Variants in TBL1Y observed in about 807,000 individuals in gnomAD.
TBL1Y encodes the protein F-box-like/WD repeat-containing protein TBL1Y.
In TBL1Y, 15 loss-of-function variants were observed where a neutral mutation model predicts 12.0. The observed-to-expected ratio is 1.25, with a 90% CI of 0.83 to 1.92. The LOEUF (loss-of-function observed/expected upper bound fraction) is 1.92, where lower values mean the gene tolerates loss of function less well. Among genes scored for constraint, TBL1Y ranks in the 40% most tolerant of loss-of-function variants. The pLI, the probability that TBL1Y is intolerant of heterozygous loss-of-function variation, is 0.00. For synonymous variants in TBL1Y, 53 were observed against 42.6 expected (o/e 1.24, Z -0.95); for missense variants, 148 against 116.7 (o/e 1.27, Z -1.24).
chrY:7,080,721 C>T lies in TBL1Y; in HGVS notation c.956-11C>T. ...GTGAATAACTGCAGATGTCCTCCCTCCCTGCTGCAGCCCCCGCCCTTGATG... is the reference window on the plus strand; with the variant it reads ...GTGAATAACTGCAGATGTCCTCCCTTCCTGCTGCAGCCCCCGCCCTTGATG... On this transcript the variant is annotated splice_polypyrimidine_tract_variant and intron_variant, in intron 13 of 18. Transcript: ENST00000383032. 1 of 398,293 alleles carries T rather than the reference C, an allele frequency of 2.5e-6. No homozygotes were observed. Among genetic ancestry groups the T allele is most frequent in the East Asian group, 9.2e-5 (1 of 10,851 alleles).
chrY:7,064,656 T>G (rs1393412259), intron 8 of TBL1Y, among the ~76,000 whole-genome samples: 3 of 33,744 alleles, frequency 8.9e-5, no homozygotes, highest in African/African-American at 3.5e-4. Flanking sequence ...AGTCTGAATT[T>G]CTACCCAGAG....
chrY:7,090,122 G>A lies in TBL1Y; in HGVS notation c.1480G>A (p.Gly494Ser). The change falls in exon 18 of 19, where the codon GGC becomes AGC. Residue 494 changes from glycine to serine, a missense_variant. By Grantham distance (56) the Gly-to-Ser change is moderately conservative (BLOSUM62 0). Transcript: ENST00000383032. ...TCTCGTCCACAGCTACCAAGGCACT[G>A]GCGGTATCTTCGAGGTGTGCTGGAA... ...GSLVHSYQGT[G>S]GIFEVCWNAR... The A allele has an allele frequency of 2.5e-6, 1 of 396,668 alleles. No individual in the cohort carries two copies. Among genetic ancestry groups the A allele is most frequent in the South Asian group, 3.0e-5 (1 of 33,254 alleles).
At chrY:6,916,580 G>C (rs2011736056) in intron 2 of TBL1Y, among the ~76,000 whole-genome samples, 1 of 31,606 alleles carries the variant, frequency 3.2e-5, no homozygotes, top group African/African-American at 1.2e-4. Context: ...AACATTAGCT[G>C]GGCTTGGTGA....
At chrY:6,950,178 T>A in intron 2 of TBL1Y, among the ~76,000 whole-genome samples, 2 of 33,668 alleles carry the variant, frequency 5.9e-5, no homozygotes, top group Non-Finnish European at 1.5e-4. Context: ...GCACTGAACA[T>A]CAACACTATT....
intron 2 of TBL1Y, among the ~76,000 whole-genome samples, chrY:6,915,855 G>A: frequency 3.0e-5 from 1 of 33,448 alleles, no homozygotes; most frequent in South Asian, 6.8e-4. Flanking sequence ...GTGGGCCTCC[G>A]GGCCTGGCTC....
intron 2 of TBL1Y, among the ~76,000 whole-genome samples, chrY:6,936,730 C>T: frequency 3.0e-5 from 1 of 33,283 alleles, no homozygotes; most frequent in African/African-American, 1.2e-4. Context: ...TCTGCAGTTA[C>T]CTCTGGTCAC....
intron 2 of TBL1Y, among the ~76,000 whole-genome samples, chrY:6,971,438 T>C (rs949956887): frequency 9.3e-5 from 3 of 32,269 alleles, no homozygotes; most frequent in Non-Finnish European, 1.5e-4. Context: ...GGTATGAGGA[T>C]TGGTAAAACT....
In TBL1Y at chrY:7,061,202, A is replaced by G; in HGVS notation, c.205-2695A>G. ...TTTTTCTACTTTCTTCTGTTAGCAA[A>G]GCATTTGCCGCTACAGATTGAATGC... is the stretch of plus-strand genomic sequence containing the variant. On this transcript the variant is annotated intron_variant, in intron 7 of 18. Coordinates refer to ENST00000383032, the MANE Select transcript of TBL1Y (RefSeq NM_033284.2). 1.1e-4 allele frequency among the ~76,000 whole-genome samples: 3 copies of G among 28,173 alleles called. No individual in the cohort carries two copies. The East Asian group carries it at 2.7e-3, about 26-fold the overall frequency. The allele number at this position is 28,173 out of a possible 37,273, so 75.6% of individuals were successfully genotyped here. A position where few individuals can be genotyped will look rare whatever the true frequency, so the allele number is the denominator to read the frequency against.
intron 4 of TBL1Y, among the ~76,000 whole-genome samples, chrY:7,005,378 G>A: frequency 6.1e-5 from 2 of 32,654 alleles, no homozygotes; most frequent in African/African-American, 2.4e-4. Flanking sequence ...ACAGTGAGCT[G>A]AGATAGTACC....
chrY:7,018,999 A>T (rs768578709), intron 4 of TBL1Y, among the ~76,000 whole-genome samples: 4 of 33,279 alleles, frequency 1.2e-4, no homozygotes, highest in Admixed American at 5.5e-4. Flanking sequence ...CTCCACATTC[A>T]ATGTGGAGGG....
intron 3 of TBL1Y, among the ~76,000 whole-genome samples, chrY:6,984,430 G>A (rs2012304451): frequency 3.0e-5 from 1 of 33,340 alleles, no homozygotes; most frequent in African/African-American, 1.2e-4. Context: ...ACCCAAGTCG[G>A]TTGTTCAGTA....
chrY:7,049,009 C>A, intron 7 of TBL1Y, among the ~76,000 whole-genome samples: 1 of 32,583 alleles, frequency 3.1e-5, no homozygotes, highest in Admixed American at 2.8e-4. Flanking sequence ...TTAGGTATTT[C>A]TCTTAATGCT....
chrY:7,064,073 T>G lies in TBL1Y; in HGVS notation c.381T>G (p.Ala127=), dbSNP rs1352738476. 5.0e-6 allele frequency: 2 copies of G among 398,219 alleles called. No homozygotes were observed. Among genetic ancestry groups the G allele is most frequent in the South Asian group, 6.0e-5 (2 of 33,421 alleles). The change falls in exon 8 of 19, where the codon GCT becomes GCG. Residue 127 remains alanine (A), a synonymous_variant. Coordinates refer to ENST00000383032, the MANE Select transcript of TBL1Y (RefSeq NM_033284.2). ...AMAKAATMTP[A]AISQQNPPKN... Reference sequence around the variant, plus strand: ...CAAAGGCGGCAACCATGACCCCAGCTGCTATTTCCCAGCAAAATCCTCCAA... The same window carrying G: ...CAAAGGCGGCAACCATGACCCCAGCGGCTATTTCCCAGCAAAATCCTCCAA...
intron 7 of TBL1Y, among the ~76,000 whole-genome samples, chrY:7,046,265 G>A (rs2012757577): frequency 3.0e-5 from 1 of 33,074 alleles, no homozygotes; most frequent in Admixed American, 2.7e-4. Context: ...ATACCAAGAC[G>A]TTGGAGTATG....
intron 2 of TBL1Y, among the ~76,000 whole-genome samples, chrY:6,934,561 A>C: frequency 3.0e-5 from 1 of 33,722 alleles, no homozygotes; most frequent in Non-Finnish European, 7.3e-5. Context: ...TACCACTTTC[A>C]ACTGTCCATA....
At chrY:6,953,525 C>T (rs2012046064) in intron 2 of TBL1Y, among the ~76,000 whole-genome samples, 2 of 33,885 alleles carry the variant, frequency 5.9e-5, no homozygotes, top group Non-Finnish European at 1.5e-4. Flanking sequence ...GTTTTCAGCT[C>T]CATCAGGTCC....
At chrY:7,054,039 C>T (rs2012813010) in intron 7 of TBL1Y, among the ~76,000 whole-genome samples, 4 of 33,924 alleles carry the variant, frequency 1.2e-4, no homozygotes, top group Non-Finnish European at 2.2e-4. Flanking sequence ...TTCTCTTGTA[C>T]GGAGCAGAAA....
intron 7 of TBL1Y, among the ~76,000 whole-genome samples, chrY:7,048,452 C>T: frequency 3.0e-5 from 1 of 33,381 alleles, no homozygotes; most frequent in African/African-American, 1.2e-4. Flanking sequence ...GAAAACCTTT[C>T]ATATAACCTT....
intron 2 of TBL1Y, among the ~76,000 whole-genome samples, chrY:6,964,225 T>C (rs779523946): frequency 8.8e-5 from 3 of 34,279 alleles, no homozygotes; most frequent in South Asian, 1.3e-3. Context: ...TCTTAATGGC[T>C]TTATGGCTGA....
Sources: allele counts gnomAD v4.1 joint callset (sites outside exome capture counted in the v4.1 genomes callset), GRCh38; gene constraint gnomAD v4.1.1; transcripts MANE v1.5; gene names NCBI Gene and HGNC (gene_info 2026-07-23, HGNC 2026-07-21).